The following CTNNAL1 variants were observed in gnomAD, a reference collection of about 807,000 sequenced individuals.
CTNNAL1 encodes the protein catenin alpha like 1, also known as alpha-catulin.
CTNNAL1 carries 69 observed loss-of-function variants against 93.6 expected under a neutral mutation model. That is an observed-to-expected ratio of 0.74 (90% CI 0.61 to 0.90). The LOEUF is 0.90. Among genes scored for constraint, CTNNAL1 ranks in the 40% least tolerant of loss-of-function variants. The probability of loss-of-function intolerance (pLI) is 0.00; values close to 1 mark genes in which losing one functional copy is unlikely to be tolerated. For synonymous variants in CTNNAL1, 286 were observed against 305.4 expected (o/e 0.94, Z 0.66); for missense variants, 836 against 862.0 (o/e 0.97, Z 0.38).
chr9:108,989,453 AG>A (rs1485524538), intron 4 of CTNNAL1, among the ~76,000 whole-genome samples: 1 of 152,216 alleles, frequency 6.6e-6, no homozygotes, highest in Non-Finnish European at 1.5e-5. Flanking sequence ...ACCTGCCTAT[AG>A]AAACACCATT....
chr9:108,943,241 T>C (rs1797155271), intron 17 of CTNNAL1, among the ~76,000 whole-genome samples, 197 bp from the exon 18 acceptor site: 1 of 152,206 alleles, frequency 6.6e-6, no homozygotes, highest in African/African-American at 2.4e-5. Flanking sequence ...ATTTCATGTC[T>C]ATCTCATGGA....
At chr9:109,010,538 A>G (rs538607985) in intron 1 of CTNNAL1, among the ~76,000 whole-genome samples, 5 of 152,328 alleles carry the variant, frequency 3.3e-5, no homozygotes, top group African/African-American at 1.2e-4. Flanking sequence ...TAGATACTCT[A>G]TCAGGTTAAG....
intron 8 of CTNNAL1, 31 bp from the exon 9 acceptor site, chr9:108,972,864 G>GGGTCCC: frequency 7.0e-6 from 1 of 142,586 alleles, no homozygotes; most frequent in Non-Finnish European, 1.0e-5. Flanking sequence ...GGGGGGGTGG[G>GGGTCCC]AGGGTGGAGA....
chr9:109,000,270 G>A (rs1360101431), intron 1 of CTNNAL1, among the ~76,000 whole-genome samples: 2 of 152,116 alleles, frequency 1.3e-5, no homozygotes, highest in African/African-American at 2.4e-5. Flanking sequence ...CAGTTCCTAA[G>A]GATGTATCAG....
In CTNNAL1 at chr9:108,952,205, T is replaced by C; in HGVS notation, c.1835+4A>G. 3.7e-6 allele frequency: 6 copies of C among 1,604,618 alleles called. No individual in the cohort carries two copies. Among genetic ancestry groups the C allele is most frequent in the Non-Finnish European group, 5.1e-6 (6 of 1,175,870 alleles). ...TTAAAAAATAAAAATACAACTACAT[T>C]TACCTAGTAAATAAATACAGAGAAT... On this transcript the variant is annotated splice_donor_region_variant and intron_variant, in intron 14 of 18. Transcript: ENST00000325551.
chr9:108,948,914 G>A (rs996604767), intron 14 of CTNNAL1, among the ~76,000 whole-genome samples: 5 of 151,870 alleles, frequency 3.3e-5, no homozygotes, highest in Admixed American at 6.6e-5. Flanking sequence ...TAGGAGATGT[G>A]AACATATCAT....
intron 1 of CTNNAL1, among the ~76,000 whole-genome samples, chr9:109,000,040 A>T (rs1247548012): frequency 2.0e-5 from 3 of 152,232 alleles, no homozygotes; most frequent in African/African-American, 7.2e-5. Context: ...AGGGGAAGAG[A>T]ATTACAAGAA....
chr9:108,981,644 G>A (rs1391811611), intron 6 of CTNNAL1, among the ~76,000 whole-genome samples: 3 of 152,242 alleles, frequency 2.0e-5, no homozygotes, highest in Admixed American at 1.3e-4. Flanking sequence ...AAAGTCCAGG[G>A]CCAGGCGTGG....
chr9:108,970,307 A>T, intron 10 of CTNNAL1, 95 bp downstream of exon 10: 2 of 1,056,952 alleles, frequency 1.9e-6, no homozygotes, highest in Non-Finnish European at 2.6e-6. Flanking sequence ...TTTGGACTCT[A>T]GTTATGAAAA....
intron 14 of CTNNAL1, among the ~76,000 whole-genome samples, chr9:108,949,636 G>C (rs1830501256): frequency 6.6e-6 from 1 of 152,172 alleles, no homozygotes; most frequent in Admixed American, 6.5e-5. Context: ...TTGAAGTCAG[G>C]AATTTGAGAC....
chr9:108,966,333 G>A (rs1385141234), intron 10 of CTNNAL1, among the ~76,000 whole-genome samples: 2 of 152,226 alleles, frequency 1.3e-5, no homozygotes, highest in Non-Finnish European at 2.9e-5. Flanking sequence ...TGCAGAGACT[G>A]CTATGTTTTC....
chr9:108,957,116 ATTTTT>A (rs760444621), intron 11 of CTNNAL1, among the ~76,000 whole-genome samples: 1 of 132,496 alleles, frequency 7.5e-6, no homozygotes. Flanking sequence ...GCCTGTTAGA[ATTTTT>A]TTTTTTTTTT....
Position 108,948,328 on chromosome 9 carries a change from C to G in CTNNAL1, c.1836-94G>C, listed in dbSNP as rs569948751. ...AAATTTTAGAGCATTTGTGTATTAACAAATCCTAAATTTTGAAGAATAATA... is the reference window on the plus strand; with the variant it reads ...AAATTTTAGAGCATTTGTGTATTAAGAAATCCTAAATTTTGAAGAATAATA... On this transcript the variant is annotated intron_variant, in intron 14 of 18. Coordinates refer to ENST00000325551, the MANE Select transcript of CTNNAL1 (RefSeq NM_003798.4). 1.0e-4 allele frequency: 122 copies of G among 1,205,308 alleles called. 1 individual carries two copies. In the South Asian group the frequency reaches 1.7e-3, roughly 17 times the overall value. 74.7% of individuals were successfully genotyped at this position (1,205,308 alleles called of 1,614,324 possible). A position where few individuals can be genotyped will look rare whatever the true frequency, so the allele number is the denominator to read the frequency against.
At chr9:108,979,504 T>C in intron 6 of CTNNAL1, 23 bp from the exon 7 acceptor site, 3 of 1,610,050 alleles carry the variant, frequency 1.9e-6, no homozygotes, top group Non-Finnish European at 2.5e-6. Flanking sequence ...AGGACATCTA[T>C]CCATCCATGT....
chr9:108,987,025 T>G (rs949298981), intron 4 of CTNNAL1, among the ~76,000 whole-genome samples: 4 of 152,210 alleles, frequency 2.6e-5, no homozygotes, highest in Admixed American at 6.5e-5. Context: ...AGAAGCTCTT[T>G]AGTTTAATTA....
At chr9:108,996,566 G>A (rs554474142) in intron 2 of CTNNAL1, among the ~76,000 whole-genome samples, 1 of 152,222 alleles carries the variant, frequency 6.6e-6, no homozygotes, top group Non-Finnish European at 1.5e-5. Flanking sequence ...ACTCATGTCA[G>A]TGTACCACGT....
intron 8 of CTNNAL1, among the ~76,000 whole-genome samples, chr9:108,974,984 G>A (rs1004196037): frequency 2.6e-5 from 4 of 151,972 alleles, no homozygotes; most frequent in Non-Finnish European, 5.9e-5. Flanking sequence ...CCAACATGGT[G>A]AAACCCCATC....
intron 11 of CTNNAL1, among the ~76,000 whole-genome samples, chr9:108,959,160 C>G (rs1830760840): frequency 6.7e-6 from 1 of 150,208 alleles, no homozygotes; most frequent in African/African-American, 2.5e-5. Context: ...GAGATCGAGA[C>G]CATCCTGGCT....
At chr9:108,987,381 G>C (rs1831644806) in intron 4 of CTNNAL1, among the ~76,000 whole-genome samples, 1 of 152,106 alleles carries the variant, frequency 6.6e-6, no homozygotes, top group South Asian at 2.1e-4. Context: ...CTGTTCCATT[G>C]ATCTATATCT....
Sources: allele counts gnomAD v4.1 joint callset (sites outside exome capture counted in the v4.1 genomes callset), GRCh38; gene constraint gnomAD v4.1.1; transcripts MANE v1.5; gene names NCBI Gene and HGNC (gene_info 2026-07-23, HGNC 2026-07-21).